SHANK2: variants seen among roughly 807,000 people sequenced by gnomAD.
The protein encoded by SHANK2 is SH3 and multiple ankyrin repeat domains 2.
A neutral mutation model predicts 133.7 loss-of-function variants in SHANK2; 43 were observed. The observed-to-expected ratio is 0.32, with a 90% confidence interval of 0.25 to 0.41. The LOEUF is 0.41. Ranked by LOEUF, SHANK2 falls within the 10% of genes least tolerant of loss-of-function variation. The pLI, the probability that SHANK2 is intolerant of heterozygous loss-of-function variation, is 1.00. For synonymous variants in SHANK2, 1,017 were observed against 952.8 expected, an observed-to-expected ratio of 1.07 and a Z score of -1.24; for missense variants, 1,994 against 2,235.8, an observed-to-expected ratio of 0.89 and a Z score of 2.18.
rs370788829 is a variant in SHANK2, at chr11:70,478,691, AC to A, written c.4980-5253del. On this transcript the variant is annotated intron_variant, in intron 25 of 25. Transcript: ENST00000601538. Reference sequence around the variant, plus strand: ...TCAGCAGCTGCCAGGCCTCCGCCTCACCCCCAGCTCTGAGTGCCATGAGGGG... The same window carrying A: ...TCAGCAGCTGCCAGGCCTCCGCCTCACCCCAGCTCTGAGTGCCATGAGGGG... Among the ~76,000 whole-genome samples the A allele has an allele frequency of 3.4e-4, 51 of 152,074 alleles. No homozygotes were observed. In the South Asian group the frequency reaches 5.0e-3, roughly 15 times the overall value.
At chr11:70,827,823 C>A (rs552367710) in intron 11 of SHANK2, among the ~76,000 whole-genome samples, 1 of 152,018 alleles carries the variant, frequency 6.6e-6, no homozygotes, top group South Asian at 2.1e-4. Context: ...ATAAAAATGG[C>A]GGTGTGAGAA....
intron 2 of SHANK2, among the ~76,000 whole-genome samples, chr11:71,171,086 C>T (rs1206408774): frequency 6.6e-6 from 1 of 152,214 alleles, no homozygotes; most frequent in African/African-American, 2.4e-5. Context: ...ACGGCCTCGT[C>T]TTTTTGCACA....
rs35737323 is a variant in SHANK2, at chr11:70,690,488, G to GTTTTTTTTTTTTT, written c.1853+8187_1853+8199dup. The stretch of plus-strand genomic sequence containing the variant: ...ATCATCATAATGTAATACTTCCCAT[G>GTTTTTTTTTTTTT]TTTTTTTTTTTTTTTTTTTTTTTTT... On this transcript the variant is annotated intron_variant, in intron 15 of 25. Coordinates refer to ENST00000601538, the MANE Select transcript of SHANK2 (RefSeq NM_012309.5). Among the ~76,000 whole-genome samples, 83 of 32,822 alleles carry GTTTTTTTTTTTTT rather than the reference G, an allele frequency of 2.5e-3. 9 individuals are homozygous for GTTTTTTTTTTTTT. Among genetic ancestry groups the GTTTTTTTTTTTTT allele is most frequent in the East Asian group, 5.1e-3 (4 of 790 alleles). The allele number at this position is 32,822 out of a possible 152,430, so 21.5% of individuals were successfully genotyped here. A position where few individuals can be genotyped will look rare whatever the true frequency, so the allele number is the denominator to read the frequency against.
chr11:70,836,314 T>A (rs1324553410), intron 11 of SHANK2, among the ~76,000 whole-genome samples: 1 of 152,190 alleles, frequency 6.6e-6, no homozygotes, highest in African/African-American at 2.4e-5. Context: ...GTGAGGACAG[T>A]GCCCGCTTCC....
intron 14 of SHANK2, among the ~76,000 whole-genome samples, chr11:70,729,592 T>G (rs1420613317): frequency 6.6e-6 from 1 of 151,258 alleles, no homozygotes; most frequent in Non-Finnish European, 1.5e-5. Context: ...TGGTGCGATC[T>G]CGGCTCACTG....
At chr11:70,904,201 G>C (rs1950065400) in intron 10 of SHANK2, among the ~76,000 whole-genome samples, 2 of 152,172 alleles carry the variant, frequency 1.3e-5, no homozygotes, top group South Asian at 4.2e-4. Context: ...CACAAGGTGG[G>C]TGCCTGGAAA....
chr11:70,639,851 C>A (rs187418413), intron 17 of SHANK2, among the ~76,000 whole-genome samples: 9 of 152,212 alleles, frequency 5.9e-5, no homozygotes, highest in East Asian at 1.9e-4. Context: ...TCTAAACTCT[C>A]GGCCTCTCAG....
At chr11:70,650,848 A>G (rs1257724598) in intron 17 of SHANK2, among the ~76,000 whole-genome samples, 1 of 152,212 alleles carries the variant, frequency 6.6e-6, no homozygotes, top group Non-Finnish European at 1.5e-5. Flanking sequence ...TGTGTTCCTC[A>G]AGGAACTGTG....
intron 11 of SHANK2, among the ~76,000 whole-genome samples, chr11:70,842,257 C>T (rs1385539382): frequency 2.0e-5 from 3 of 152,126 alleles, no homozygotes; most frequent in Non-Finnish European, 2.9e-5. Context: ...TTTGCCTTCC[C>T]TTGACTTGGG....
intron 9 of SHANK2, among the ~76,000 whole-genome samples, chr11:71,070,111 T>C (rs929085320): frequency 2.6e-5 from 4 of 152,188 alleles, no homozygotes; most frequent in Non-Finnish European, 4.4e-5. Context: ...GCATTCCTCC[T>C]GGTCACTTAC....
At chr11:70,839,647 G>C (rs556132216) in intron 11 of SHANK2, among the ~76,000 whole-genome samples, 1 of 152,290 alleles carries the variant, frequency 6.6e-6, no homozygotes, top group African/African-American at 2.4e-5. Context: ...TGTAAGGTTT[G>C]AGTACCTCCA....
rs73529968 is a variant in SHANK2, at chr11:70,761,562, C to T, written c.1777+36881G>A. Among the ~76,000 whole-genome samples, 905 of 152,330 alleles carry T rather than the reference C, an allele frequency of 5.9e-3. 11 individuals carry two copies. The highest frequency in any genetic ancestry group is 0.02 in the African/African-American group (849 of 41,584). On this transcript the variant is annotated intron_variant, in intron 14 of 25. Coordinates refer to ENST00000601538, the MANE Select transcript of SHANK2 (RefSeq NM_012309.5). ...CCTCTATGGGTCCTCTGGCTCATCC[C>T]GGGTGCACCAGTGTTCCCCTCACAT...
chr11:70,629,370 A>G (rs549783567), intron 17 of SHANK2, among the ~76,000 whole-genome samples: 1 of 152,238 alleles, frequency 6.6e-6, no homozygotes, highest in African/African-American at 2.4e-5. Context: ...CTGTCATTTA[A>G]CCTAGTGCTT....
chr11:70,696,715 C>T (rs1459723674), intron 15 of SHANK2, among the ~76,000 whole-genome samples: 8 of 152,316 alleles, frequency 5.3e-5, no homozygotes, highest in African/African-American at 1.9e-4. Flanking sequence ...TTACAGCACA[C>T]CTCATTTACA....
intron 3 of SHANK2, among the ~76,000 whole-genome samples, chr11:71,141,155 C>A (rs147577914): frequency 6.6e-6 from 1 of 152,196 alleles, no homozygotes; most frequent in Non-Finnish European, 1.5e-5. Context: ...TGCTGCGTTC[C>A]GTTTGAGTGT....
At chr11:70,925,382 G>T (rs1361856696) in intron 10 of SHANK2, among the ~76,000 whole-genome samples, 4 of 152,142 alleles carry the variant, frequency 2.6e-5, no homozygotes, top group Non-Finnish European at 4.4e-5. Context: ...ATAGGAGTAG[G>T]TATCACCTGG....
intron 2 of SHANK2, among the ~76,000 whole-genome samples, chr11:71,221,347 G>T (rs1336262922): frequency 6.6e-6 from 1 of 152,166 alleles, no homozygotes; most frequent in Non-Finnish European, 1.5e-5. Flanking sequence ...CCAGCTTCTG[G>T]TTGGGCACAA....
chr11:71,126,790 G>A (rs1952198857), intron 3 of SHANK2, among the ~76,000 whole-genome samples: 2 of 149,828 alleles, frequency 1.3e-5, no homozygotes, highest in South Asian at 4.2e-4. Context: ...GCAGTGGGGC[G>A]ATCTTGGTTC....
intron 2 of SHANK2, among the ~76,000 whole-genome samples, chr11:71,200,752 C>A (rs548621369): frequency 1.3e-5 from 2 of 152,026 alleles, no homozygotes; most frequent in African/African-American, 2.4e-5. Context: ...TCTGCATGCT[C>A]AGTCAGGAGC....
Sources: gnomAD v4.1 joint callset for allele counts (sites outside exome capture counted in the v4.1 genomes callset) on GRCh38, gnomAD v4.1.1 for gene constraint, MANE v1.5 for transcripts, NCBI Gene and HGNC (gene_info 2026-07-23, HGNC 2026-07-21) for gene names.